HIKESHI: variants seen among roughly 807,000 people sequenced by gnomAD.
HIKESHI encodes the protein heat shock protein nuclear import factor hikeshi, also known as protein Hikeshi.
Under a neutral mutation model 25.7 loss-of-function variants are expected in HIKESHI, and 13 were observed. That is an observed-to-expected ratio of 0.51 (90% CI 0.33 to 0.80). HIKESHI has a LOEUF of 0.80. HIKESHI is among the 30% of genes least tolerant of loss of function. HIKESHI has a pLI of 0.02. For synonymous variants in HIKESHI, 76 were observed against 78.7 expected, an observed-to-expected ratio of 0.97 and a Z score of 0.18; for missense variants, 174 against 229.5, an observed-to-expected ratio of 0.76 and a Z score of 1.56.
chr11:86,328,708 C>G (rs545432979), intron 2 of HIKESHI, among the ~76,000 whole-genome samples: 1 of 152,136 alleles, frequency 6.6e-6, no homozygotes, highest in Non-Finnish European at 1.5e-5. Context: ...TTCCAAAGTG[C>G]TGGGATTACA....
intron 2 of HIKESHI, among the ~76,000 whole-genome samples, chr11:86,334,302 T>C (rs370334669): frequency 3.3e-5 from 5 of 149,964 alleles, no homozygotes; most frequent in African/African-American, 1.2e-4. Context: ...AAATAACAAA[T>C]GATGGTGACT....
intron 3 of HIKESHI, among the ~76,000 whole-genome samples, chr11:86,339,963 A>G (rs1038087251): frequency 1.5e-5 from 2 of 135,906 alleles, no homozygotes; most frequent in East Asian, 4.2e-4. Flanking sequence ...AGGTGTTCTC[A>G]TTGTTCAATT....
At chr11:86,331,264 C>T (rs1049829820) in intron 2 of HIKESHI, among the ~76,000 whole-genome samples, 5 of 152,002 alleles carry the variant, frequency 3.3e-5, no homozygotes, top group Non-Finnish European at 5.9e-5. Context: ...CCGAGGCGGG[C>T]GCATCTTTGA....
At position 86,329,684 on chromosome 11, in the gene HIKESHI, T is replaced by G. The variant is rs1947372417; in HGVS notation, c.269-7695T>G. Among the ~76,000 whole-genome samples, 6 of 151,850 alleles carry G rather than the reference T, an allele frequency of 4.0e-5. No individual in the cohort carries two copies. In the South Asian group the frequency reaches 1.0e-3, roughly 26 times the overall value. ...GATAAACATAAATGCATAACAATGGTTTTTTCTTCCTCTGCTTTCTGAGTT... is the reference window on the plus strand; with the variant it reads ...GATAAACATAAATGCATAACAATGGGTTTTTCTTCCTCTGCTTTCTGAGTT... On this transcript the variant is annotated intron_variant, in intron 2 of 4. Transcript: ENST00000278483.
At chr11:86,328,855 G>A (rs1056002268) in intron 2 of HIKESHI, among the ~76,000 whole-genome samples, 9 of 151,892 alleles carry the variant, frequency 5.9e-5, no homozygotes, top group Admixed American at 2.6e-4. Flanking sequence ...GGGATTACAG[G>A]TGTGAGCCAC....
intron 2 of HIKESHI, among the ~76,000 whole-genome samples, chr11:86,309,393 G>A (rs566564478): frequency 7.9e-5 from 12 of 152,126 alleles, no homozygotes; most frequent in East Asian, 7.7e-4. Flanking sequence ...GTTCATATCC[G>A]TTGTCCACTT....
chr11:86,328,927 T>TGC lies in HIKESHI; in HGVS notation c.269-8447_269-8446dup, dbSNP rs780428379. On this transcript the variant is annotated intron_variant, in intron 2 of 4. Transcript: ENST00000278483. ...TGTTTTGTGTGTGTGTGTGTGTGTGTGCGCGCACACACACACACACGCTCC... is the reference window on the plus strand; with the variant it reads ...TGTTTTGTGTGTGTGTGTGTGTGTGTGCGCGCGCACACACACACACACGCTCC... Among the ~76,000 whole-genome samples, 889 of 133,686 alleles carry TGC rather than the reference T, an allele frequency of 6.6e-3. 10 individuals carry two copies. Among genetic ancestry groups the TGC allele is most frequent in the African/African-American group, 0.024 (817 of 34,710 alleles). 87.7% of individuals were successfully genotyped at this position (133,686 alleles called of 152,430 possible). A position where few individuals can be genotyped will look rare whatever the true frequency, so the allele number is the denominator to read the frequency against.
intron 2 of HIKESHI, among the ~76,000 whole-genome samples, chr11:86,307,226 T>G (rs1946656213): frequency 1.4e-5 from 1 of 71,590 alleles, no homozygotes; most frequent in Non-Finnish European, 2.5e-5. Flanking sequence ...ATATATTATG[T>G]GTAATATACA....
intron 2 of HIKESHI, among the ~76,000 whole-genome samples, chr11:86,328,652 C>A (rs965303818): frequency 6.6e-6 from 1 of 152,024 alleles, no homozygotes; most frequent in Non-Finnish European, 1.5e-5. Context: ...CCATCTTAGC[C>A]AGGCTGGTCT....
intron 2 of HIKESHI, among the ~76,000 whole-genome samples, chr11:86,311,363 A>G (rs926969906): frequency 1.3e-5 from 2 of 152,128 alleles, no homozygotes; most frequent in Non-Finnish European, 2.9e-5. Context: ...TGTTTATAGT[A>G]TTCTTTGATG....
chr11:86,345,213 A>T, intron 4 of HIKESHI: 1 of 897,676 alleles, frequency 1.1e-6, no homozygotes. Flanking sequence ...GAATTTTGGC[A>T]TAATGTAGCT....
chr11:86,339,826 A>G (rs960885156), intron 3 of HIKESHI, among the ~76,000 whole-genome samples: 1 of 152,096 alleles, frequency 6.6e-6, no homozygotes, highest in Admixed American at 6.5e-5. Context: ...TATATGTGCC[A>G]TGTTGGTGTG....
chr11:86,306,181 A>G lies in HIKESHI; in HGVS notation c.31-64A>G, dbSNP rs574597395. The G allele has an allele frequency of 5.9e-6, 6 of 1,021,148 alleles. No individual in the cohort carries two copies. In the South Asian group the frequency reaches 7.3e-5, roughly 12 times the overall value. 63.3% of individuals were successfully genotyped at this position (1,021,148 alleles called of 1,614,324 possible). ...ATGCTGGTAATATAACTTATAAATG[A>G]TACTGTTAAGAGTTACAGAAACTCA... On this transcript the variant is annotated intron_variant, in intron 1 of 4. Transcript: ENST00000278483.
chr11:86,319,242 A>ATATATATATATTTTTTTTT (rs1383589741), intron 2 of HIKESHI, among the ~76,000 whole-genome samples: 2 of 94,944 alleles, frequency 2.1e-5, no homozygotes, highest in Admixed American at 1.4e-4. Flanking sequence ...ATATATATAT[A>ATATATATATATTTTTTTTT]TTTTTTTTTT....
At position 86,337,379 on chromosome 11, in the gene HIKESHI, G is replaced by A; in HGVS notation, c.269G>A (p.Gly90Glu). The change falls in exon 3 of 5, where the codon GGA becomes GAA. Residue 90 changes from glycine to glutamate, a missense_variant and splice_region_variant. Transcript: ENST00000278483. ...AIFKISGLKS[G>E]EGSQHPFGAM... ...TGTGTCATATGTTAATTTCTTGCAG[G>A]AGAAGGAAGCCAACATCCTTTTGGA... 3 of 1,610,874 alleles carry A rather than the reference G, an allele frequency of 1.9e-6. No individual in the cohort carries two copies. Among genetic ancestry groups the A allele is most frequent in the Non-Finnish European group, 2.5e-6 (3 of 1,179,012 alleles).
chr11:86,319,242 A>ATATATATAT (rs1383589741), intron 2 of HIKESHI, among the ~76,000 whole-genome samples: 162 of 94,928 alleles, frequency 1.7e-3, no homozygotes, highest in African/African-American at 6.8e-3. Context: ...ATATATATAT[A>ATATATATAT]TTTTTTTTTT....
At chr11:86,323,659 T>G (rs1008940551) in intron 2 of HIKESHI, among the ~76,000 whole-genome samples, 3 of 152,240 alleles carry the variant, frequency 2.0e-5, no homozygotes, top group Non-Finnish European at 4.4e-5. Flanking sequence ...TAGGGAACAG[T>G]GAAAATGTTC....
Position 86,322,221 on chromosome 11 carries a change from A to G in HIKESHI, c.269-15158A>G, listed in dbSNP as rs531627623. Among the ~76,000 whole-genome samples the G allele has an allele frequency of 4.9e-3, 752 of 152,254 alleles. 3 individuals carry two copies. Among genetic ancestry groups the G allele is most frequent in the Non-Finnish European group, 7.5e-3 (511 of 68,028 alleles). The stretch of plus-strand genomic sequence containing the variant: ...AGGCTGATCTCGAACTCCTGACCTC[A>G]AGTGATACACCCACCTCAGCCTCCC... On this transcript the variant is annotated intron_variant, in intron 2 of 4. Coordinates refer to ENST00000278483, the MANE Select transcript of HIKESHI (RefSeq NM_016401.4).
intron 2 of HIKESHI, among the ~76,000 whole-genome samples, chr11:86,315,647 T>G (rs1946957275): frequency 6.6e-6 from 1 of 152,196 alleles, no homozygotes; most frequent in South Asian, 2.1e-4. Flanking sequence ...TCAAAACTCA[T>G]TCTAAAGTGA....
Sources: gnomAD v4.1 joint callset for allele counts (sites outside exome capture counted in the v4.1 genomes callset) on GRCh38, gnomAD v4.1.1 for gene constraint, MANE v1.5 for transcripts, NCBI Gene and HGNC (gene_info 2026-07-23, HGNC 2026-07-21) for gene names.